The following ATP9B variants were observed in gnomAD, a reference collection of about 807,000 sequenced individuals.
ATP9B encodes ATPase phospholipid transporting 9B.
Under a neutral mutation model 146.1 loss-of-function variants are expected in ATP9B, and 110 were observed. The observed-to-expected ratio is 0.75, with a 90% confidence interval of 0.65 to 0.88. The LOEUF is 0.88. Ranked by LOEUF, ATP9B falls within the 40% of genes least tolerant of loss-of-function variation. The probability of loss-of-function intolerance (pLI) is 0.00; values close to 1 mark genes in which losing one functional copy is unlikely to be tolerated. For synonymous variants in ATP9B, 604 were observed against 569.7 expected (o/e 1.06, Z -0.86); for missense variants, 1,499 against 1,496.4 (o/e 1.00, Z -0.03).
Position 79,306,967 on chromosome 18 carries a change from G to T in ATP9B, c.1525-19G>T, listed in dbSNP as rs1323517945. 6.2e-7 allele frequency: 1 copy of T among 1,612,566 alleles called. No homozygotes were observed. Among genetic ancestry groups the T allele is most frequent in the South Asian group, 1.1e-5 (1 of 90,984 alleles). ...CTCTTTGCTCTATCTTTAATTATGT[G>T]ACGTTTCATATTCTAAAGATGCAGT... On this transcript the variant is annotated intron_variant, in intron 14 of 29. Coordinates refer to ENST00000426216, the MANE Select transcript of ATP9B (RefSeq NM_198531.5).
intron 7 of ATP9B, among the ~76,000 whole-genome samples, chr18:79,175,586 T>G (rs985814392): frequency 6.6e-6 from 1 of 152,180 alleles, no homozygotes; most frequent in African/African-American, 2.4e-5. Context: ...CACACAGATA[T>G]GCATGCATGC....
At chr18:79,146,707 TACGCAGGAC>T in intron 6 of ATP9B, 1 of 195,590 alleles carries the variant, frequency 5.1e-6, no homozygotes, top group Non-Finnish European at 1.1e-5. Flanking sequence ...ACCACGTGAG[TACGCAGGAC>T]ACCTGTGTCT....
chr18:79,305,167 A>G (rs901150764), intron 14 of ATP9B, among the ~76,000 whole-genome samples: 1 of 152,226 alleles, frequency 6.6e-6, no homozygotes, highest in Non-Finnish European at 1.5e-5. Context: ...TTGTATTTAC[A>G]GTAATTTGTT....
chr18:79,092,268 G>T (rs1490827629), intron 1 of ATP9B, among the ~76,000 whole-genome samples: 3 of 152,168 alleles, frequency 2.0e-5, no homozygotes, highest in Non-Finnish European at 4.4e-5. Context: ...AGTGACTACT[G>T]CACATCTAGC....
intron 1 of ATP9B, among the ~76,000 whole-genome samples, chr18:79,072,226 A>G (rs542048709): frequency 1.3e-5 from 2 of 151,952 alleles, no homozygotes; most frequent in East Asian, 1.9e-4. Flanking sequence ...TCATAGGACA[A>G]TAGTGGAGAG....
chr18:79,313,829 TTAAA>T (rs1186626089), intron 15 of ATP9B, among the ~76,000 whole-genome samples: 12 of 152,200 alleles, frequency 7.9e-5, no homozygotes, highest in Non-Finnish European at 1.8e-4. Context: ...TAGCAGAACA[TTAAA>T]TAACCTTTTA....
At chr18:79,203,858 T>C (rs1406153792) in intron 9 of ATP9B, among the ~76,000 whole-genome samples, 1 of 152,206 alleles carries the variant, frequency 6.6e-6, no homozygotes, top group African/African-American at 2.4e-5. Flanking sequence ...TTTTTGTTTC[T>C]TCAACAGTGT....
At chr18:79,202,646 T>G (rs192668328) in intron 9 of ATP9B, among the ~76,000 whole-genome samples, 2 of 152,382 alleles carry the variant, frequency 1.3e-5, no homozygotes, top group Admixed American at 1.3e-4. Flanking sequence ...ATTTTCAGTC[T>G]TCCCAGTCTT....
intron 26 of ATP9B, chr18:79,363,621 T>G (rs2097005419): frequency 6.6e-6 from 1 of 152,326 alleles, no homozygotes; most frequent in Non-Finnish European, 1.5e-5. Flanking sequence ...CGTAAACTGA[T>G]GTTCCTGGAT....
intron 19 of ATP9B, 115 bp downstream of exon 19, chr18:79,337,564 T>C: frequency 7.2e-7 from 1 of 1,398,108 alleles, no homozygotes; most frequent in Non-Finnish European, 9.5e-7. Flanking sequence ...GAGAGAGCTC[T>C]GTAAGCAGAG....
intron 1 of ATP9B, among the ~76,000 whole-genome samples, chr18:79,084,970 A>G (rs570537797): frequency 6.6e-6 from 1 of 151,554 alleles, no homozygotes; most frequent in Admixed American, 6.6e-5. Context: ...TTGCATTACT[A>G]TAAAGAAATA....
At chr18:79,213,139 A>C (rs192524056) in intron 10 of ATP9B, among the ~76,000 whole-genome samples, 1 of 152,214 alleles carries the variant, frequency 6.6e-6, no homozygotes, top group African/African-American at 2.4e-5. Context: ...TAATTCTGTA[A>C]TGGTTGGTAA....
At chr18:79,332,001 G>A (rs973848655) in intron 17 of ATP9B, among the ~76,000 whole-genome samples, 77 of 152,322 alleles carry the variant, frequency 5.1e-4, no homozygotes, top group African/African-American at 1.7e-3. Flanking sequence ...TCCCCAACAC[G>A]TAACTGCTGA....
chr18:79,327,731 T>C (rs1166338600), intron 15 of ATP9B, among the ~76,000 whole-genome samples: 2 of 134,762 alleles, frequency 1.5e-5, no homozygotes, highest in African/African-American at 5.8e-5. Context: ...GTGCTCGCCG[T>C]GGTTAGCGTG....
intron 12 of ATP9B, among the ~76,000 whole-genome samples, chr18:79,271,398 C>A: frequency 6.6e-6 from 1 of 151,718 alleles, no homozygotes; most frequent in South Asian, 2.1e-4. Flanking sequence ...GGCCCCCCAC[C>A]CCACAACAGG....
intron 1 of ATP9B, among the ~76,000 whole-genome samples, chr18:79,076,737 T>C (rs1458308921): frequency 6.6e-6 from 1 of 152,190 alleles, no homozygotes; most frequent in African/African-American, 2.4e-5. Flanking sequence ...TTGAGTGCTT[T>C]TTGAGCTCTA....
intron 7 of ATP9B, among the ~76,000 whole-genome samples, chr18:79,169,515 C>T (rs1245198655): frequency 6.6e-6 from 1 of 152,154 alleles, no homozygotes; most frequent in Non-Finnish European, 1.5e-5. Flanking sequence ...ACTCAGCGTT[C>T]CCACGGAGTG....
chr18:79,353,075 CAG>C (rs752167666), intron 25 of ATP9B: 5 of 152,240 alleles, frequency 3.3e-5, no homozygotes, highest in Non-Finnish European at 5.9e-5. Flanking sequence ...ATTTAAGCCA[CAG>C]AGAGAGTTAA....
At chr18:79,310,316 A>G (rs991541148) in intron 15 of ATP9B, among the ~76,000 whole-genome samples, 2 of 152,238 alleles carry the variant, frequency 1.3e-5, no homozygotes, top group African/African-American at 4.8e-5. Context: ...TAAAATTAAG[A>G]AGTCAGAATA....
Sources: allele counts gnomAD v4.1 joint callset (sites outside exome capture counted in the v4.1 genomes callset), GRCh38; gene constraint gnomAD v4.1.1; transcripts MANE v1.5; gene names NCBI Gene and HGNC (gene_info 2026-07-23, HGNC 2026-07-21).